Variants in ROBO1 observed in about 807,000 individuals in gnomAD.
The protein encoded by ROBO1 is roundabout guidance receptor 1.
Under a neutral mutation model 195.9 loss-of-function variants are expected in ROBO1, and 149 were observed. The observed-to-expected ratio is 0.76, with a 90% CI of 0.67 to 0.87. ROBO1 has a LOEUF of 0.87. Ranked by LOEUF, ROBO1 falls within the 40% of genes least tolerant of loss-of-function variation. The pLI, the probability that ROBO1 is intolerant of heterozygous loss-of-function variation, is 0.00. For synonymous variants in ROBO1, 816 were observed against 733.2 expected, an observed-to-expected ratio of 1.11 and a Z score of -1.82; for missense variants, 1,933 against 2,068.3, an observed-to-expected ratio of 0.93 and a Z score of 1.27.
chr3:79,694,645 C>T (rs1216179291), intron 1 of ROBO1, among the ~76,000 whole-genome samples: 2 of 151,688 alleles, frequency 1.3e-5, no homozygotes, highest in African/African-American at 4.8e-5. Flanking sequence ...AAATAATTTA[C>T]ATTCATACAT....
chr3:79,107,123 TCTCTCA>T (rs764588500), intron 3 of ROBO1, among the ~76,000 whole-genome samples: 58 of 140,150 alleles, frequency 4.1e-4, no homozygotes, highest in South Asian at 1.6e-3. Context: ...TCTCTCTCTC[TCTCTCA>T]CACACACACA....
At chr3:79,671,732 C>T (rs532582438) in intron 1 of ROBO1, among the ~76,000 whole-genome samples, 21 of 151,682 alleles carry the variant, frequency 1.4e-4, no homozygotes, top group Admixed American at 5.9e-4. Flanking sequence ...ATTGTATTGT[C>T]GGTATTTAAA....
intron 4 of ROBO1, among the ~76,000 whole-genome samples, chr3:78,850,368 T>C (rs2033975944): frequency 6.6e-6 from 1 of 152,228 alleles, no homozygotes; most frequent in Non-Finnish European, 1.5e-5. Context: ...TATTTTAAAA[T>C]TTCTCAGCAA....
intron 3 of ROBO1, 53 bp from the exon 4 acceptor site, chr3:78,938,980 G>A (rs59931439): frequency 0.022 from 31,622 of 1,454,754 alleles, 1,027 homozygotes; most frequent in African/African-American, 0.15. Flanking sequence ...ACAGTTAATC[G>A]CTTATTTTTA....
intron 29 of ROBO1, among the ~76,000 whole-genome samples, chr3:78,604,925 T>C (rs1703380021): frequency 6.6e-6 from 1 of 152,198 alleles, no homozygotes; most frequent in South Asian, 2.1e-4. Flanking sequence ...CTTTAGTCTA[T>C]AATAATGTTC....
intron 3 of ROBO1, among the ~76,000 whole-genome samples, chr3:79,056,224 T>G (rs1022535884): frequency 6.6e-5 from 10 of 152,156 alleles, no homozygotes; most frequent in Non-Finnish European, 1.0e-4. Context: ...TTGCTATCAA[T>G]GGAAAGTACT....
At chr3:78,696,304 G>A (rs888473280) in intron 8 of ROBO1, among the ~76,000 whole-genome samples, 1 of 152,068 alleles carries the variant, frequency 6.6e-6, no homozygotes, top group African/African-American at 2.4e-5. Flanking sequence ...GCTAAGAGAG[G>A]GGAAAAGCCT....
chr3:78,974,531 G>C (rs1012272621), intron 3 of ROBO1, among the ~76,000 whole-genome samples: 1 of 152,068 alleles, frequency 6.6e-6, no homozygotes, highest in African/African-American at 2.4e-5. Context: ...AAAAGAAAGA[G>C]GCATGAATTT....
chr3:79,019,467 G>A (rs868660091), intron 3 of ROBO1: 7 of 986,286 alleles, frequency 7.1e-6, no homozygotes, highest in Non-Finnish European at 8.4e-6. Context: ...ATTGCTTGTG[G>A]GTTTCCCCCA....
In ROBO1 at chr3:79,188,573, G is replaced by A. The variant is rs898549434; in HGVS notation, c.89-63034C>T. ...GCACACACACACACACATATACGTCGTCTTTCTGTTTGTAAAAAGGGAGTT... is the reference window on the plus strand; with the variant it reads ...GCACACACACACACACATATACGTCATCTTTCTGTTTGTAAAAAGGGAGTT... On this transcript the variant is annotated intron_variant, in intron 2 of 30. Transcript: ENST00000464233. Among the ~76,000 whole-genome samples, 66 of 151,476 alleles carry A rather than the reference G, an allele frequency of 4.4e-4. 2 individuals are homozygous for A. The highest frequency in any genetic ancestry group is 1.2e-4 in the Non-Finnish European group (8 of 67,688).
intron 3 of ROBO1, among the ~76,000 whole-genome samples, chr3:79,057,695 T>C (rs1305599666): frequency 2.0e-5 from 3 of 152,042 alleles, no homozygotes; most frequent in Non-Finnish European, 4.4e-5. Flanking sequence ...TTATTTATCC[T>C]TATACTTTCT....
At chr3:79,750,267 C>T (rs902895479) in intron 1 of ROBO1, among the ~76,000 whole-genome samples, 5 of 152,230 alleles carry the variant, frequency 3.3e-5, no homozygotes, top group African/African-American at 1.2e-4. Context: ...AATGCCTGTA[C>T]TTCCATTGTA....
intron 9 of ROBO1, 32 bp downstream of exon 9, chr3:78,688,616 T>G (rs1270887148): frequency 3.9e-6 from 6 of 1,536,142 alleles, no homozygotes; most frequent in Non-Finnish European, 4.4e-6. Flanking sequence ...TCTTTGCTGA[T>G]TTAAAAAAAA....
intron 3 of ROBO1, among the ~76,000 whole-genome samples, chr3:78,956,044 T>C (rs985033287): frequency 1.3e-5 from 2 of 152,198 alleles, no homozygotes; most frequent in Non-Finnish European, 2.9e-5. Flanking sequence ...AGGCAGCTTC[T>C]AATCATTTAG....
At position 79,692,907 on chromosome 3, in the gene ROBO1, T is replaced by C. The variant is rs144161318; in HGVS notation, c.-51+74845A>G. Among the ~76,000 whole-genome samples the C allele has an allele frequency of 5.9e-5, 9 of 151,988 alleles. No homozygotes were observed. In the East Asian group the frequency reaches 1.7e-3, roughly 30 times the overall value. On this transcript the variant is annotated intron_variant, in intron 1 of 30. Transcript: ENST00000464233. ...ATAGGATCCAAGCCCAAACACAGAA[T>C]TCATTTATGTTTCATATACACAAAG...
intron 14 of ROBO1, 61 bp from the exon 15 acceptor site, chr3:78,662,175 C>T: frequency 6.8e-7 from 1 of 1,475,018 alleles, no homozygotes. Context: ...GGAATGAAAG[C>T]ATGGTGAAAC....
chr3:79,748,238 C>A (rs1475069776), intron 1 of ROBO1, among the ~76,000 whole-genome samples: 2 of 152,078 alleles, frequency 1.3e-5, no homozygotes, highest in African/African-American at 2.4e-5. Context: ...GTGAGATATG[C>A]ACTTAGTGAA....
At chr3:78,763,134 T>C (rs2083147362) in intron 4 of ROBO1, among the ~76,000 whole-genome samples, 1 of 152,180 alleles carries the variant, frequency 6.6e-6, no homozygotes, top group African/African-American at 2.4e-5. Flanking sequence ...AGGGATAAGA[T>C]ACAGCTCGAA....
intron 1 of ROBO1, among the ~76,000 whole-genome samples, chr3:79,590,990 C>G (rs1205766555): frequency 6.6e-6 from 1 of 151,338 alleles, no homozygotes; most frequent in Non-Finnish European, 1.5e-5. Context: ...TAATGAGGAG[C>G]CACTGAGATT....
Sources: gnomAD v4.1 joint callset for allele counts (sites outside exome capture counted in the v4.1 genomes callset) on GRCh38, gnomAD v4.1.1 for gene constraint, MANE v1.5 for transcripts, NCBI Gene and HGNC (gene_info 2026-07-23, HGNC 2026-07-21) for gene names.